The following ITGB6 variants were observed in gnomAD, a reference collection of about 807,000 sequenced individuals.
The protein encoded by ITGB6 is integrin subunit beta 6.
A neutral mutation model predicts 84.5 loss-of-function variants in ITGB6; 80 were observed. That is an observed-to-expected ratio of 0.95 (90% confidence interval 0.79 to 1.14). The LOEUF is 1.14. Among genes scored for constraint, ITGB6 ranks in the 50% most tolerant of loss-of-function variants. The pLI is 0.00. For synonymous variants in ITGB6, 383 were observed against 354.9 expected, an observed-to-expected ratio of 1.08 and a Z score of -0.89; for missense variants, 1,006 against 968.0, an observed-to-expected ratio of 1.04 and a Z score of -0.52.
At chr2:160,176,570 GC>G (rs1685427890) in intron 4 of ITGB6, among the ~76,000 whole-genome samples, 1 of 152,152 alleles carries the variant, frequency 6.6e-6, no homozygotes, top group Non-Finnish European at 1.5e-5. Flanking sequence ...TATCTACCTA[GC>G]AGGATTGTCA....
At chr2:160,112,265 G>C in intron 12 of ITGB6, 66 bp from the exon 13 acceptor site, 1 of 1,403,088 alleles carries the variant, frequency 7.1e-7, no homozygotes, top group Non-Finnish European at 9.9e-7. Context: ...TTAAAACAAA[G>C]TAGTATTGAG....
At chr2:160,135,281 C>T (rs1024956270) in intron 10 of ITGB6, among the ~76,000 whole-genome samples, 2 of 152,112 alleles carry the variant, frequency 1.3e-5, no homozygotes, top group African/African-American at 2.4e-5. Context: ...AGAGCCAAAT[C>T]GCGAGTGAAC....
chr2:160,168,554 C>A (rs766763337), intron 7 of ITGB6, among the ~76,000 whole-genome samples: 11 of 152,204 alleles, frequency 7.2e-5, no homozygotes, highest in African/African-American at 9.6e-5. Flanking sequence ...GGAAAAAAAA[C>A]CACAGAAATC....
chr2:160,176,401 A>G (rs1372423828), intron 4 of ITGB6, among the ~76,000 whole-genome samples: 1 of 152,202 alleles, frequency 6.6e-6, no homozygotes, highest in Non-Finnish European at 1.5e-5. Flanking sequence ...CACCTAGTCT[A>G]CTGGGTCCAG....
At chr2:160,148,162 T>C (rs1684269774) in intron 7 of ITGB6, among the ~76,000 whole-genome samples, 1 of 152,102 alleles carries the variant, frequency 6.6e-6, no homozygotes, top group African/African-American at 2.4e-5. Context: ...AACAGACATA[T>C]TACCAAAGAA....
intron 4 of ITGB6, among the ~76,000 whole-genome samples, chr2:160,189,432 G>A (rs1268401926): frequency 6.6e-6 from 1 of 152,064 alleles, no homozygotes; most frequent in Non-Finnish European, 1.5e-5. Flanking sequence ...CAGAATGGGA[G>A]AAAATTTTCG....
intron 8 of ITGB6, among the ~76,000 whole-genome samples, chr2:160,139,464 C>T (rs1237456912): frequency 6.6e-6 from 1 of 152,096 alleles, no homozygotes; most frequent in Non-Finnish European, 1.5e-5. Flanking sequence ...CCCTGCCTTC[C>T]TCCAAAATCT....
At chr2:160,183,375 G>T (rs1375160465) in intron 4 of ITGB6, among the ~76,000 whole-genome samples, 1 of 151,970 alleles carries the variant, frequency 6.6e-6, no homozygotes, top group Non-Finnish European at 1.5e-5. Context: ...AACCAACAAA[G>T]ATCAAAAAAG....
chr2:160,197,854 T>C (rs559633748), intron 2 of ITGB6, among the ~76,000 whole-genome samples: 2 of 152,354 alleles, frequency 1.3e-5, no homozygotes, highest in South Asian at 4.1e-4. Context: ...ACCTATTTTC[T>C]ATCTGCCCTA....
intron 13 of ITGB6, among the ~76,000 whole-genome samples, chr2:160,108,662 G>T (rs190427029): frequency 1.3e-5 from 2 of 152,278 alleles, no homozygotes; most frequent in East Asian, 3.9e-4. Context: ...TTCTGATTCA[G>T]TGGGTCTTGG....
intron 2 of ITGB6, among the ~76,000 whole-genome samples, chr2:160,198,269 T>C (rs1265362622): frequency 6.6e-6 from 1 of 152,240 alleles, no homozygotes; most frequent in African/African-American, 2.4e-5. Flanking sequence ...GACTGAGCTG[T>C]GTCTGTGCTC....
In ITGB6 at chr2:160,137,458, T is replaced by C; in HGVS notation, c.1636A>G (p.Arg546Gly). 2.5e-6 allele frequency: 4 copies of C among 1,611,986 alleles called. No individual in the cohort carries two copies. Among genetic ancestry groups the C allele is most frequent in the Non-Finnish European group, 3.4e-6 (4 of 1,178,294 alleles). ...YCQCDNFSCVRHKGLLCGGNG... is the reference protein window; with the variant it reads ...YCQCDNFSCVGHKGLLCGGNG... ...CCTCCGCAGAGCAGCCCTTTGTGTC[T>C]CACGCAGGAGAAATTGTCACACTGG... is the stretch of plus-strand genomic sequence containing the variant. The change falls in exon 10 of 15, where the codon AGA (arginine) becomes GGA (glycine). Residue 546 changes from arginine (R) to glycine (G), a missense_variant. Transcript: ENST00000283249.
rs142717768 is a variant in ITGB6 at position 160,195,418 on chromosome 2, C to T, written c.544G>A (p.Val182Ile). 3 of 1,614,186 alleles carry T rather than the reference C, an allele frequency of 1.9e-6. No homozygotes were observed. In the African/African-American group the frequency reaches 4.0e-5, roughly 22 times the overall value. The change falls in exon 4 of 15, where the codon GTA becomes ATA. Residue 182 changes from valine to isoleucine, a missense_variant. Transcript: ENST00000283249. ...GGTGTTGTTTTCACAAAAGGGGATA[C>T]AGGTTTTTCCACAAAAGATCCGAAG... is the stretch of plus-strand genomic sequence containing the variant. ...LGFGSFVEKP[V>I]SPFVKTTPEE...
intron 4 of ITGB6, among the ~76,000 whole-genome samples, chr2:160,191,515 C>T (rs373554590): frequency 6.6e-6 from 1 of 152,082 alleles, no homozygotes; most frequent in Admixed American, 6.6e-5. Context: ...AATAGAAGAT[C>T]ATTTCTTTGA....
intron 12 of ITGB6, among the ~76,000 whole-genome samples, chr2:160,120,108 GC>G (rs1264335938): frequency 1.3e-5 from 2 of 151,702 alleles, no homozygotes; most frequent in Admixed American, 1.3e-4. Context: ...AGTCAGTGTG[GC>G]GATTCCTCAG....
intron 6 of ITGB6, among the ~76,000 whole-genome samples, chr2:160,170,843 T>G (rs1442355123): frequency 1.3e-5 from 2 of 152,208 alleles, no homozygotes; most frequent in Non-Finnish European, 2.9e-5. Flanking sequence ...ATAAGTAGTG[T>G]TAGCTTTTAT....
chr2:160,191,742 G>A (rs948973194), intron 4 of ITGB6, among the ~76,000 whole-genome samples: 2 of 152,112 alleles, frequency 1.3e-5, no homozygotes, highest in African/African-American at 4.8e-5. Context: ...CATAGATGAT[G>A]TGATCATATA....
In ITGB6 at chr2:160,118,653, A is replaced by T. The variant is rs563878486; in HGVS notation, c.1981+5138T>A. Among the ~76,000 whole-genome samples, 113 of 152,072 alleles carry T rather than the reference A, an allele frequency of 7.4e-4. 1 individual carries two copies. The South Asian group carries it at 0.011, about 15-fold the overall frequency. On this transcript the variant is annotated intron_variant, in intron 12 of 14. Transcript: ENST00000283249. ...CACTCCTGTTAAACATAGTGTTGGAAGTTCTGGCCAGGGCAATTAGGCAGG... is the reference window on the plus strand; with the variant it reads ...CACTCCTGTTAAACATAGTGTTGGATGTTCTGGCCAGGGCAATTAGGCAGG...
chr2:160,166,825 T>C (rs1310663116), intron 7 of ITGB6, among the ~76,000 whole-genome samples: 1 of 152,246 alleles, frequency 6.6e-6, no homozygotes, highest in Admixed American at 6.5e-5. Context: ...CTGCTTACTT[T>C]ATCCTTTTCA....
Sources: gnomAD v4.1 joint callset for allele counts (sites outside exome capture counted in the v4.1 genomes callset) on GRCh38, gnomAD v4.1.1 for gene constraint, MANE v1.5 for transcripts, NCBI Gene and HGNC (gene_info 2026-07-23, HGNC 2026-07-21) for gene names.